The following ASPRV1 variants were observed in gnomAD, a reference collection of about 807,000 sequenced individuals.
The protein encoded by ASPRV1 is aspartic peptidase retroviral like 1.
Under a neutral mutation model 11.0 loss-of-function variants are expected in ASPRV1, and 7 were observed. That is an observed-to-expected ratio of 0.64 (90% CI 0.36 to 1.20). ASPRV1 has a LOEUF of 1.20. Ranked by LOEUF, ASPRV1 falls within the 50% of genes most tolerant of loss-of-function variation. ASPRV1 has a pLI of 0.02. For synonymous variants in ASPRV1, 136 were observed against 138.4 expected (o/e 0.98, Z 0.12); for missense variants, 299 against 320.0 (o/e 0.93, Z 0.50).
At chr2:70,055,640 A>C in the ASPRV1 span, 1 of 144,248 alleles carries the variant, frequency 6.9e-6, no homozygotes, top group African/African-American at 2.5e-5. Flanking sequence ...GGTGGGGGTG[A>C]GGGGAGGGAA....
chr2:69,963,080 T>C, upstream of ASPRV1: 2 of 357,222 alleles, frequency 5.6e-6, no homozygotes, highest in South Asian at 4.1e-5. Context: ...AGCAGTACCC[T>C]GCCTTTGGAC....
the ASPRV1 span, chr2:70,086,298 G>A: frequency 3.3e-5 from 5 of 152,314 alleles, no homozygotes; most frequent in East Asian, 1.9e-4. Context: ...CCGCCCCAAG[G>A]GTAAGGAACA....
the ASPRV1 span, among the ~76,000 whole-genome samples, chr2:70,033,356 T>C: frequency 2.0e-5 from 3 of 151,764 alleles, no homozygotes; most frequent in Non-Finnish European, 4.4e-5. Flanking sequence ...CATCAGACTT[T>C]CCTGAAGGTA....
the ASPRV1 span, among the ~76,000 whole-genome samples, chr2:69,954,015 G>A: frequency 6.6e-6 from 1 of 152,130 alleles, no homozygotes; most frequent in African/African-American, 2.4e-5. Flanking sequence ...ATCATGCCTG[G>A]CCAATTCACT....
chr2:70,036,228 G>A, the ASPRV1 span, among the ~76,000 whole-genome samples: 3 of 151,932 alleles, frequency 2.0e-5, no homozygotes, highest in South Asian at 2.1e-4. Flanking sequence ...GGCTGAAACC[G>A]GACAAAATTA....
downstream of ASPRV1, among the ~76,000 whole-genome samples, chr2:69,959,075 G>T (rs1329457433): frequency 6.6e-6 from 1 of 152,164 alleles, no homozygotes; most frequent in African/African-American, 2.4e-5. Context: ...CCAGGGACGG[G>T]CAGCTGATCC....
the ASPRV1 span, among the ~76,000 whole-genome samples, chr2:70,084,761 GT>G: frequency 9.2e-5 from 14 of 152,112 alleles, no homozygotes; most frequent in African/African-American, 3.4e-4. Context: ...TTTCTTAGTG[GT>G]TTTTTTAAAA....
At chr2:70,071,983 G>A in the ASPRV1 span, among the ~76,000 whole-genome samples, 2 of 149,944 alleles carry the variant, frequency 1.3e-5, no homozygotes, top group African/African-American at 2.5e-5. Flanking sequence ...AAAGAGTCTC[G>A]CTCTATTGCC....
chr2:70,068,877 G>A, the ASPRV1 span, among the ~76,000 whole-genome samples: 22,671 of 149,834 alleles, frequency 0.15, 2,678 homozygotes, highest in East Asian at 0.3. Flanking sequence ...CCCAGGAGGC[G>A]GAGGTTGCAG....
chr2:69,985,878 C>T, the ASPRV1 span, among the ~76,000 whole-genome samples: 1 of 152,196 alleles, frequency 6.6e-6, no homozygotes, highest in Non-Finnish European at 1.5e-5. Flanking sequence ...TCACAAAGAA[C>T]CACACACCTA....
the ASPRV1 span, among the ~76,000 whole-genome samples, chr2:69,944,494 A>G: frequency 6.6e-6 from 1 of 152,184 alleles, no homozygotes; most frequent in African/African-American, 2.4e-5. Context: ...TGAGGGAGAG[A>G]GAAGTGAGGC....
the ASPRV1 span, among the ~76,000 whole-genome samples, chr2:70,062,379 G>A: frequency 6.6e-6 from 1 of 152,202 alleles, no homozygotes; most frequent in African/African-American, 2.4e-5. Context: ...TGATCAAGCT[G>A]CAGATTCCTG....
At chr2:70,079,516 A>ACT in the ASPRV1 span, among the ~76,000 whole-genome samples, 3 of 152,186 alleles carry the variant, frequency 2.0e-5, no homozygotes, top group East Asian at 5.8e-4. Flanking sequence ...AAAAGAGTGT[A>ACT]GACAGAGAAG....
the ASPRV1 span, among the ~76,000 whole-genome samples, chr2:69,971,713 C>A: frequency 1.3e-5 from 2 of 152,190 alleles, no homozygotes; most frequent in African/African-American, 4.8e-5. Context: ...CCTTAGGATG[C>A]CCACAAGCCC....
At chr2:70,065,908 C>A in the ASPRV1 span, among the ~76,000 whole-genome samples, 1 of 148,620 alleles carries the variant, frequency 6.7e-6, no homozygotes, top group Non-Finnish European at 1.5e-5. Context: ...AAAATGAAGT[C>A]ATTAAAAGCT....
chr2:70,001,724 C>T, the ASPRV1 span, among the ~76,000 whole-genome samples: 1 of 152,120 alleles, frequency 6.6e-6, no homozygotes, highest in South Asian at 2.1e-4. Flanking sequence ...CTCCCCATTG[C>T]ACCCCAGCCT....
the ASPRV1 span, among the ~76,000 whole-genome samples, chr2:70,035,176 C>T: frequency 6.6e-6 from 1 of 152,162 alleles, no homozygotes; most frequent in African/African-American, 2.4e-5. Context: ...GGGCGAGATC[C>T]AGGTTGCCAG....
the ASPRV1 span, among the ~76,000 whole-genome samples, chr2:70,075,715 A>C: frequency 6.6e-6 from 1 of 152,004 alleles, no homozygotes; most frequent in Non-Finnish European, 1.5e-5. Flanking sequence ...GCTTGGTGTC[A>C]CATGCCCGTA....
At chr2:70,054,452 C>T in the ASPRV1 span, among the ~76,000 whole-genome samples, 1 of 151,678 alleles carries the variant, frequency 6.6e-6, no homozygotes, top group African/African-American at 2.4e-5. Flanking sequence ...CGGTGGCAGG[C>T]GCCTGTAGTC....
Sources: allele counts gnomAD v4.1 joint callset (sites outside exome capture counted in the v4.1 genomes callset), GRCh38; gene constraint gnomAD v4.1.1; transcripts MANE v1.5; gene names NCBI Gene and HGNC (gene_info 2026-07-23, HGNC 2026-07-21).